HDGF: variants seen among roughly 807,000 people sequenced by gnomAD.
The protein encoded by HDGF is hepatoma-derived growth factor.
In HDGF, 5 loss-of-function variants were observed where a neutral mutation model predicts 30.0. The ratio of observed to expected loss-of-function variants is 0.17; its 90% CI spans 0.09 to 0.35. HDGF has a LOEUF of 0.35. HDGF is among the 10% of genes least tolerant of loss of function. The pLI, the probability that HDGF is intolerant of heterozygous loss-of-function variation, is 1.00. For missense variants in HDGF, 214 were observed against 302.8 expected (o/e 0.71, Z 2.18); for synonymous variants, 133 against 112.7 (o/e 1.18, Z -1.14).
At chr1:156,760,160 GTC>G (rs1651224766) in intron 1 of HDGF, among the ~76,000 whole-genome samples, 1 of 152,248 alleles carries the variant, frequency 6.6e-6, no homozygotes, top group African/African-American at 2.4e-5. Flanking sequence ...CCCCAGGTGT[GTC>G]TGCATTCCTT....
chr1:156,757,737 G>A (rs12407769), intron 2 of HDGF, among the ~76,000 whole-genome samples: 7 of 149,632 alleles, frequency 4.7e-5, no homozygotes, highest in Middle Eastern at 7.0e-3. Flanking sequence ...AGGTTGCAAC[G>A]AGCCAAGATC....
chr1:156,764,713 C>T lies in HDGF; in HGVS notation n.136+2077G>A, dbSNP rs548026723. ...CAGTCTGGCCAACATGGTGAAACCCCGTCTCTACTAAAAAATACAAAAATT... is the reference window on the plus strand; with the variant it reads ...CAGTCTGGCCAACATGGTGAAACCCTGTCTCTACTAAAAAATACAAAAATT... On this transcript the variant is annotated intron_variant and non_coding_transcript_variant, in intron 1 of 7. Coordinates refer to the HDGF transcript ENST00000465180. Among the ~76,000 whole-genome samples, 76 of 151,836 alleles carry T rather than the reference C, an allele frequency of 5.0e-4. 1 individual carries two copies. The South Asian group carries it at 0.016, about 31-fold the overall frequency.
intron 1 of HDGF, among the ~76,000 whole-genome samples, chr1:156,748,889 CA>C (rs1470759000): frequency 6.6e-6 from 1 of 152,138 alleles, no homozygotes; most frequent in Non-Finnish European, 1.5e-5. Flanking sequence ...AGAGAAGGTA[CA>C]GGGGGAAGGG....
Position 156,743,830 on chromosome 1 carries a change from T to C in HDGF, c.538A>G (p.Lys180Glu). 6.2e-7 allele frequency: 1 copy of C among 1,612,612 alleles called. No homozygotes were observed. The change falls in exon 5 of 6, where the codon AAG (lysine) becomes GAG (glutamate). Residue 180 changes from lysine to glutamate, a missense_variant. By Grantham distance (56) the Lys-to-Glu change is moderately conservative (BLOSUM62 1). Around this residue, in one of 2 missense-constraint regions of HDGF, gnomAD observed 176 missense variants for 211.7 expected, o/e 0.83. Coordinates refer to ENST00000357325, the MANE Select transcript of HDGF (RefSeq NM_004494.3). ...KEAENPEGEE[K>E]EAATLEVERP... Reference sequence around the variant, plus strand: ...TCAACCTCCAAGGTGGCTGCCTCCTTCTCCTCTCCTTCAGGGTTTTCTGCC... The same window carrying C: ...TCAACCTCCAAGGTGGCTGCCTCCTCCTCCTCTCCTTCAGGGTTTTCTGCC...
chr1:156,746,290 C>T (rs1005853170), intron 1 of HDGF, among the ~76,000 whole-genome samples: 3 of 152,212 alleles, frequency 2.0e-5, no homozygotes, highest in Non-Finnish European at 4.4e-5. Flanking sequence ...TTATCTGCAG[C>T]ACGGTGCTTA....
intron 3 of HDGF, 29 bp downstream of exon 3, chr1:156,744,979 G>A (rs1033309217): frequency 2.1e-5 from 34 of 1,612,774 alleles, no homozygotes; most frequent in Admixed American, 5.0e-5. Context: ...CTGCTTTCCA[G>A]GGGGTCTCTG....
chr1:156,752,749 C>T (rs1264270793), upstream of HDGF, among the ~76,000 whole-genome samples: 2 of 152,182 alleles, frequency 1.3e-5, no homozygotes, highest in Non-Finnish European at 2.9e-5. Flanking sequence ...TGTATTTGCC[C>T]ACATTCCAGA....
In HDGF at chr1:156,765,153, C is replaced by T. The variant is rs191059960; in HGVS notation, n.136+1637G>A. On this transcript the variant is annotated intron_variant and non_coding_transcript_variant, in intron 1 of 7. Coordinates refer to the HDGF transcript ENST00000465180. ...TGTTGCCCAGGCTGGAGTGCAATGG[C>T]GTGATCTTGGCTCACCACAACCTCC... Among the ~76,000 whole-genome samples, 51 of 143,742 alleles carry T rather than the reference C, an allele frequency of 3.5e-4. No homozygotes were observed. The East Asian group carries it at 0.011, about 32-fold the overall frequency. 94.3% of individuals were successfully genotyped at this position (143,742 alleles called of 152,430 possible). A position where few individuals can be genotyped will look rare whatever the true frequency, so the allele number is the denominator to read the frequency against.
upstream of HDGF, chr1:156,752,483 C>G (rs1006057474): frequency 3.4e-6 from 3 of 886,938 alleles, no homozygotes; most frequent in African/African-American, 5.0e-5. Context: ...AAACCCAACC[C>G]CTTCAGTAAA....
chr1:156,763,460 C>T (rs1202608113), intron 1 of HDGF, among the ~76,000 whole-genome samples: 6 of 152,006 alleles, frequency 3.9e-5, no homozygotes, highest in Admixed American at 6.6e-5. Context: ...GGGATCCACC[C>T]GCCTCAGCCT....
upstream of HDGF, chr1:156,752,228 C>G: frequency 6.4e-7 from 1 of 1,551,812 alleles, no homozygotes; most frequent in Non-Finnish European, 8.7e-7. Flanking sequence ...GCCGTGCTTA[C>G]CGTATGGGGG....
At position 156,751,297 on chromosome 1, in the gene HDGF, A is replaced by C; in HGVS notation, c.87+46T>G. The C allele has an allele frequency of 6.3e-7, 1 of 1,584,278 alleles. No homozygotes were observed. Among genetic ancestry groups the C allele is most frequent in the Non-Finnish European group, 8.6e-7 (1 of 1,163,926 alleles). On this transcript the variant is annotated intron_variant, in intron 1 of 5. Coordinates refer to ENST00000357325, the MANE Select transcript of HDGF (RefSeq NM_004494.3). The surrounding 1 kb of genome is among the most constrained non-coding windows in gnomAD (Gnocchi z 4.7). ...CTCGTGCCCTTCCCGGTGTTATGCA[A>C]CCCAAGCCCGCAGGGGGTTAGGGGG...
At chr1:156,746,808 T>A (rs565949392) in intron 1 of HDGF, among the ~76,000 whole-genome samples, 1 of 152,210 alleles carries the variant, frequency 6.6e-6, no homozygotes, top group East Asian at 1.9e-4. Context: ...GTGGCCATGA[T>A]GACTGGGGCC....
chr1:156,757,012 C>T (rs574945317), upstream of HDGF, among the ~76,000 whole-genome samples: 7 of 151,834 alleles, frequency 4.6e-5, no homozygotes, highest in South Asian at 2.1e-4. Flanking sequence ...AGGCTGGTCT[C>T]GAACTCCTGA....
At chr1:156,760,027 G>T (rs1369269190) in intron 1 of HDGF, among the ~76,000 whole-genome samples, 1 of 152,178 alleles carries the variant, frequency 6.6e-6, no homozygotes, top group Non-Finnish European at 1.5e-5. Context: ...AAGATAAAAG[G>T]CCATTCATAG....
At position 156,745,388 on chromosome 1, in the gene HDGF, G is replaced by C. The variant is rs768779551; in HGVS notation, c.88-15C>G. 3 of 1,610,982 alleles carry C rather than the reference G, an allele frequency of 1.9e-6. No individual in the cohort carries two copies. The highest frequency in any genetic ancestry group is 1.3e-5 in the African/African-American group (1 of 74,870). ...ATCTCGTCAATCTGGGGTGAGATGA[G>C]GGGGTGAGGTTAGCTAGAGTCCTGA... is the stretch of plus-strand genomic sequence containing the variant. On this transcript the variant is annotated splice_polypyrimidine_tract_variant and intron_variant, in intron 1 of 5. Coordinates refer to ENST00000357325, the MANE Select transcript of HDGF (RefSeq NM_004494.3).
intron 1 of HDGF, among the ~76,000 whole-genome samples, chr1:156,766,410 C>G (rs1161348838): frequency 6.6e-6 from 1 of 152,138 alleles, no homozygotes; most frequent in African/African-American, 2.4e-5. Flanking sequence ...GTAAAGGACA[C>G]ACACATACAG....
chr1:156,764,602 A>G (rs558220014), intron 1 of HDGF, among the ~76,000 whole-genome samples: 68 of 152,242 alleles, frequency 4.5e-4, no homozygotes, highest in Non-Finnish European at 6.9e-4. Flanking sequence ...TTGCTTGAAA[A>G]CACTTTTTGA....
intron 1 of HDGF, among the ~76,000 whole-genome samples, chr1:156,745,821 A>C (rs1650498763): frequency 6.6e-6 from 1 of 152,216 alleles, no homozygotes; most frequent in Non-Finnish European, 1.5e-5. Context: ...GCAAGATCTG[A>C]ATCCCAACTC....
Sources: allele counts gnomAD v4.1 joint callset (sites outside exome capture counted in the v4.1 genomes callset), GRCh38; gene constraint gnomAD v4.1.1; regional missense constraint gnomAD v4.1.1; non-coding constraint Gnocchi (gnomAD v3.1); transcripts MANE v1.5; gene names NCBI Gene and HGNC (gene_info 2026-07-23, HGNC 2026-07-21).